Variants in FARS2 observed in about 807,000 individuals in gnomAD.
FARS2 encodes phenylalanyl-tRNA synthetase 2, mitochondrial, also known as phenylalanine--tRNA ligase, mitochondrial.
In FARS2, 40 loss-of-function variants were observed where a neutral mutation model predicts 46.4. The observed-to-expected ratio is 0.86, with a 90% CI of 0.67 to 1.12. FARS2 has a LOEUF of 1.12. Among genes scored for constraint, FARS2 ranks in the 50% most tolerant of loss-of-function variants. FARS2 has a pLI of 0.00. For missense variants in FARS2, 513 were observed against 567.9 expected (o/e 0.90, Z 0.98); for synonymous variants, 234 against 214.9 (o/e 1.09, Z -0.78).
chr6:5,297,883 G>T (rs1011907093), intron 1 of FARS2, among the ~76,000 whole-genome samples: 2 of 152,146 alleles, frequency 1.3e-5, no homozygotes, highest in African/African-American at 4.8e-5. Flanking sequence ...AATATGCGTT[G>T]GTTCCTGTGG....
intron 4 of FARS2, among the ~76,000 whole-genome samples, chr6:5,513,576 G>A (rs913776920): frequency 6.6e-6 from 1 of 152,200 alleles, no homozygotes; most frequent in Non-Finnish European, 1.5e-5. Context: ...GTGTCTTTTC[G>A]TTCTGGCTGC....
intron 1 of FARS2, among the ~76,000 whole-genome samples, chr6:5,336,338 T>TA (rs1771156589): frequency 6.6e-6 from 1 of 152,072 alleles, no homozygotes; most frequent in African/African-American, 2.4e-5. Context: ...TGATGGATTT[T>TA]AAAAGTCTCG....
At chr6:5,475,727 T>C (rs1360123978) in intron 4 of FARS2, among the ~76,000 whole-genome samples, 1 of 152,158 alleles carries the variant, frequency 6.6e-6, no homozygotes, top group Non-Finnish European at 1.5e-5. Flanking sequence ...GCTGAAATAC[T>C]CCTACCCCAG....
intron 5 of FARS2, among the ~76,000 whole-genome samples, chr6:5,570,617 A>T (rs1210350867): frequency 1.3e-5 from 2 of 152,198 alleles, no homozygotes; most frequent in Non-Finnish European, 2.9e-5. Flanking sequence ...GTATTACGCC[A>T]TTTAGCCTTT....
At chr6:5,553,605 T>A (rs1561708567) in intron 5 of FARS2, among the ~76,000 whole-genome samples, 2 of 152,136 alleles carry the variant, frequency 1.3e-5, no homozygotes, top group Non-Finnish European at 2.9e-5. Flanking sequence ...ATTTTTTTTT[T>A]AACAAATCTA....
chr6:5,574,532 A>G (rs1772848097), intron 5 of FARS2, among the ~76,000 whole-genome samples: 1 of 152,220 alleles, frequency 6.6e-6, no homozygotes, highest in South Asian at 2.1e-4. Context: ...CAGAATGTGT[A>G]AAAGAAATAC....
chr6:5,651,874 C>T (rs1272424380), intron 6 of FARS2, among the ~76,000 whole-genome samples: 3 of 152,132 alleles, frequency 2.0e-5, no homozygotes, highest in Non-Finnish European at 4.4e-5. Context: ...TGAACCCAGG[C>T]TGTCCACACT....
At chr6:5,316,228 G>A (rs1430795992) in intron 1 of FARS2, among the ~76,000 whole-genome samples, 1 of 152,230 alleles carries the variant, frequency 6.6e-6, no homozygotes, top group Non-Finnish European at 1.5e-5. Flanking sequence ...CTAAATGCTT[G>A]TATGTGGGGA....
intron 3 of FARS2, among the ~76,000 whole-genome samples, chr6:5,425,538 A>G (rs556047397): frequency 6.6e-6 from 1 of 152,268 alleles, no homozygotes; most frequent in South Asian, 2.1e-4. Flanking sequence ...CCCGCCCTGC[A>G]AGTGTCCCTG....
At chr6:5,645,813 C>G (rs1158522210) in intron 6 of FARS2, among the ~76,000 whole-genome samples, 2 of 152,160 alleles carry the variant, frequency 1.3e-5, no homozygotes, top group Non-Finnish European at 2.9e-5. Context: ...TTGCACGGGC[C>G]TCATATGTTT....
chr6:5,729,608 T>C (rs969344726), intron 6 of FARS2, among the ~76,000 whole-genome samples: 4 of 152,044 alleles, frequency 2.6e-5, no homozygotes, highest in African/African-American at 4.8e-5. Context: ...TGCAATGCTT[T>C]GTCCTCCTCG....
upstream of FARS2, chr6:5,260,725 G>T: frequency 6.4e-7 from 1 of 1,550,452 alleles, no homozygotes; most frequent in Non-Finnish European, 8.7e-7. Context: ...CGCGACTGGA[G>T]GCTGCCATTT....
intron 5 of FARS2, among the ~76,000 whole-genome samples, chr6:5,566,776 T>C (rs527382098): frequency 1.3e-5 from 2 of 152,380 alleles, no homozygotes; most frequent in South Asian, 4.1e-4. Flanking sequence ...TACTTGACTT[T>C]AGCCACACCA....
chr6:5,271,446 T>C (rs1002992015), intron 1 of FARS2, among the ~76,000 whole-genome samples: 1 of 152,158 alleles, frequency 6.6e-6, no homozygotes, highest in Non-Finnish European at 1.5e-5. Flanking sequence ...AAAGGGGAAT[T>C]ATTTTTTGTA....
intron 1 of FARS2, among the ~76,000 whole-genome samples, chr6:5,365,778 A>C (rs1400078589): frequency 1.3e-5 from 2 of 152,158 alleles, no homozygotes; most frequent in Admixed American, 6.5e-5. Flanking sequence ...GATAACATAA[A>C]CAATTGATTA....
At chr6:5,525,968 A>G (rs1400671510) in intron 4 of FARS2, among the ~76,000 whole-genome samples, 1 of 152,238 alleles carries the variant, frequency 6.6e-6, no homozygotes, top group African/African-American at 2.4e-5. Context: ...AGGTAACCCT[A>G]TTGATTTGTT....
At chr6:5,305,406 A>G (rs1167784174) in intron 1 of FARS2, among the ~76,000 whole-genome samples, 1 of 152,184 alleles carries the variant, frequency 6.6e-6, no homozygotes, top group Non-Finnish European at 1.5e-5. Context: ...GCATTTTATC[A>G]AAGCCTTGTG....
chr6:5,676,226 G>A (rs9405859), intron 6 of FARS2, among the ~76,000 whole-genome samples: 63,429 of 152,010 alleles, frequency 0.42, 14,645 homozygotes, highest in Non-Finnish European at 0.52. Flanking sequence ...CACTTGAACC[G>A]AGCGTGAGAT....
chr6:5,706,246 C>G (rs1327366782), intron 6 of FARS2, among the ~76,000 whole-genome samples: 2 of 152,226 alleles, frequency 1.3e-5, no homozygotes, highest in African/African-American at 4.8e-5. Flanking sequence ...TGCTCACTCA[C>G]CCAACCCTCA....
Sources: gnomAD v4.1 joint callset for allele counts (sites outside exome capture counted in the v4.1 genomes callset) on GRCh38, gnomAD v4.1.1 for gene constraint, MANE v1.5 for transcripts, NCBI Gene and HGNC (gene_info 2026-07-23, HGNC 2026-07-21) for gene names.